The following NR6A1 variants were observed in gnomAD, a reference collection of about 807,000 sequenced individuals.
NR6A1 encodes retinoic acid receptor-related testis-associated receptor.
Under a neutral mutation model 59.1 loss-of-function variants are expected in NR6A1, and 7 were observed. The ratio of observed to expected loss-of-function variants is 0.12; its 90% CI spans 0.07 to 0.22. The LOEUF (loss-of-function observed/expected upper bound fraction) is 0.22. Ranked by LOEUF, NR6A1 falls within the 10% of genes least tolerant of loss-of-function variation. The probability of loss-of-function intolerance (pLI) is 1.00; values close to 1 mark genes in which losing one functional copy is unlikely to be tolerated. For synonymous variants in NR6A1, 243 were observed against 236.1 expected, an observed-to-expected ratio of 1.03 and a Z score of -0.27; for missense variants, 468 against 611.6, an observed-to-expected ratio of 0.77 and a Z score of 2.48.
chr9:124,550,528 A>ATTTTTTTTT (rs748627702), intron 3 of NR6A1, among the ~76,000 whole-genome samples: 1 of 145,490 alleles, frequency 6.9e-6, no homozygotes, highest in Non-Finnish European at 1.5e-5. Flanking sequence ...TAATTTTTGT[A>ATTTTTTTTT]TTTTTTTTTT....
At chr9:124,728,630 G>A (rs1417696854) in intron 2 of NR6A1, among the ~76,000 whole-genome samples, 8 of 116,528 alleles carry the variant, frequency 6.9e-5, no homozygotes, top group East Asian at 3.3e-4. Flanking sequence ...GCGAGACTCC[G>A]CCTCAAAAAA....
intron 1 of NR6A1, among the ~76,000 whole-genome samples, chr9:124,747,819 G>C (rs1054387280): frequency 9.9e-5 from 15 of 152,034 alleles, no homozygotes; most frequent in African/African-American, 3.4e-4. Flanking sequence ...AATATCCCTA[G>C]ATCAAGCTCA....
At chr9:124,728,183 C>T (rs551323885) in intron 2 of NR6A1, among the ~76,000 whole-genome samples, 1 of 150,606 alleles carries the variant, frequency 6.6e-6, no homozygotes, top group Non-Finnish European at 1.5e-5. Flanking sequence ...CCTACCACCA[C>T]ACCTGGCTAA....
At chr9:124,703,284 C>G (rs1839021308) in intron 2 of NR6A1, among the ~76,000 whole-genome samples, 2 of 147,298 alleles carry the variant, frequency 1.4e-5, no homozygotes, top group South Asian at 4.3e-4. Context: ...ACAATCATAG[C>G]GTACTGCATT....
At chr9:124,569,699 A>T (rs1439223941) in intron 2 of NR6A1, among the ~76,000 whole-genome samples, 1 of 152,256 alleles carries the variant, frequency 6.6e-6, no homozygotes, top group Non-Finnish European at 1.5e-5. Flanking sequence ...GCTGTACAGC[A>T]GAATTGAAAT....
At chr9:124,638,224 C>T (rs1209037648) in intron 2 of NR6A1, among the ~76,000 whole-genome samples, 1 of 151,758 alleles carries the variant, frequency 6.6e-6, no homozygotes, top group African/African-American at 2.4e-5. Flanking sequence ...CCACTGCACT[C>T]CAACCTGGGT....
intron 2 of NR6A1, among the ~76,000 whole-genome samples, chr9:124,579,448 G>A (rs2131453796): frequency 6.6e-6 from 1 of 152,318 alleles, no homozygotes. Flanking sequence ...CTACTCAGGA[G>A]GCTGAGTAGC....
At position 124,517,375 on chromosome 9, in the gene NR6A1, AT is replaced by A. The variant is rs1434183622; in HGVS notation, c.*5329del. Reference sequence around the variant, plus strand: ...TTGGTCACATTTCCACAGGTAGTCAATTCACAGAACAGGGCCCATCCCTTGC... The same window carrying A: ...TTGGTCACATTTCCACAGGTAGTCAATCACAGAACAGGGCCCATCCCTTGC... On this transcript the variant is annotated 3_prime_UTR_variant, in exon 10 of 10. Coordinates refer to ENST00000487099, the MANE Select transcript of NR6A1 (RefSeq NM_033334.4). 1 of 152,338 alleles carries A rather than the reference AT, an allele frequency of 6.6e-6. No homozygotes were observed. The highest frequency in any genetic ancestry group is 2.4e-5 in the African/African-American group (1 of 41,478). The allele number at this position is 152,338 out of a possible 1,614,324, so 9.4% of individuals were successfully genotyped here. A position where few individuals can be genotyped will look rare whatever the true frequency, so the allele number is the denominator to read the frequency against.
At chr9:124,681,771 T>C (rs1043704958) in intron 2 of NR6A1, among the ~76,000 whole-genome samples, 1 of 152,204 alleles carries the variant, frequency 6.6e-6, no homozygotes, top group African/African-American at 2.4e-5. Context: ...AATTTTTTGA[T>C]ATTATGAAAT....
chr9:124,710,422 G>A (rs148533319), intron 2 of NR6A1, among the ~76,000 whole-genome samples: 59 of 152,184 alleles, frequency 3.9e-4, no homozygotes, highest in African/African-American at 1.2e-3. Context: ...CACACACAAT[G>A]TTGAGGTTTT....
In NR6A1 at chr9:124,554,545, T is replaced by C; in HGVS notation, c.168A>G (p.Glu56=). Reference sequence around the variant, plus strand: ...CCCCACAAATGAGACAGGTTCGTTGTTCAGCCCGATCATCTGAAACAGAAA... The same window carrying C: ...CCCCACAAATGAGACAGGTTCGTTGCTCAGCCCGATCATCTGAAACAGAAA... The part of the protein sequence containing the change: ...GTISVSDDRA[E]QRTCLICGDR... The change falls in exon 3 of 10, where the codon GAA becomes GAG. Residue 56 remains glutamate (E), a synonymous_variant. Transcript: ENST00000487099. 6.2e-7 allele frequency: 1 copy of C among 1,614,196 alleles called. No homozygotes were observed. Among genetic ancestry groups the C allele is most frequent in the Non-Finnish European group, 8.5e-7 (1 of 1,180,028 alleles).
Position 124,537,661 on chromosome 9 carries a change from G to T in NR6A1, c.824+431C>A, listed in dbSNP as rs113599652. ...ACCCACTCAAGCCTGCACTTAAAGT[G>T]GTCACATGCCACCAGGCTAGCCATG... On this transcript the variant is annotated intron_variant, in intron 6 of 9. Transcript: ENST00000487099. 4.6e-3 allele frequency among the ~76,000 whole-genome samples: 699 copies of T among 152,274 alleles called. 5 individuals are homozygous for T. Among genetic ancestry groups the T allele is most frequent in the African/African-American group, 0.016 (653 of 41,554 alleles).
chr9:124,615,031 A>G (rs1217597690), intron 2 of NR6A1, among the ~76,000 whole-genome samples: 1 of 152,206 alleles, frequency 6.6e-6, no homozygotes, highest in Non-Finnish European at 1.5e-5. Context: ...TCACACAAAT[A>G]AGATAGTTGG....
At chr9:124,557,890 A>T (rs1833975515) in intron 2 of NR6A1, among the ~76,000 whole-genome samples, 1 of 152,222 alleles carries the variant, frequency 6.6e-6, no homozygotes, top group Non-Finnish European at 1.5e-5. Context: ...TAATGAATAT[A>T]TCCACAAGGA....
intron 2 of NR6A1, among the ~76,000 whole-genome samples, chr9:124,655,386 T>C (rs1399591406): frequency 3.3e-5 from 5 of 152,222 alleles, no homozygotes; most frequent in Non-Finnish European, 5.9e-5. Flanking sequence ...ACAATATGTA[T>C]CTGAAAGGAC....
chr9:124,599,346 G>A, intron 2 of NR6A1: 1 of 359,284 alleles, frequency 2.8e-6, no homozygotes, highest in South Asian at 2.3e-5. Flanking sequence ...TTGAACCCGG[G>A]AGGCGGAGGT....
chr9:124,735,241 G>C (rs1292037644), intron 1 of NR6A1, among the ~76,000 whole-genome samples: 1 of 152,090 alleles, frequency 6.6e-6, no homozygotes, highest in African/African-American at 2.4e-5. Context: ...CCTCCATTTG[G>C]TAAAAATGAC....
intron 6 of NR6A1, among the ~76,000 whole-genome samples, chr9:124,536,559 T>C (rs949045656): frequency 2.6e-5 from 4 of 151,544 alleles, no homozygotes; most frequent in Non-Finnish European, 5.9e-5. Context: ...CTCGGGAGGC[T>C]GAGGCAGAGG....
chr9:124,611,257 T>C (rs1299091740), intron 2 of NR6A1, among the ~76,000 whole-genome samples: 1 of 152,088 alleles, frequency 6.6e-6, no homozygotes, highest in Non-Finnish European at 1.5e-5. Flanking sequence ...GTACTTATCA[T>C]AGGCCCAGCA....
Sources: gnomAD v4.1 joint callset for allele counts (sites outside exome capture counted in the v4.1 genomes callset) on GRCh38, gnomAD v4.1.1 for gene constraint, MANE v1.5 for transcripts, NCBI Gene and HGNC (gene_info 2026-07-23, HGNC 2026-07-21) for gene names.